Variants in MARK3 observed in about 807,000 individuals in gnomAD.
MARK3 encodes the protein MAP/microtubule affinity-regulating kinase 3.
In MARK3, 46 loss-of-function variants were observed where a neutral mutation model predicts 90.1. The observed-to-expected ratio is 0.51, with a 90% confidence interval of 0.40 to 0.65. The LOEUF is 0.65. MARK3 is among the 30% of genes least tolerant of loss of function. The pLI, the probability that MARK3 is intolerant of heterozygous loss-of-function variation, is 0.00. For synonymous variants in MARK3, 321 were observed against 332.6 expected (o/e 0.97, Z 0.38); for missense variants, 818 against 947.2 (o/e 0.86, Z 1.79).
intron 12 of MARK3, among the ~76,000 whole-genome samples, chr14:103,472,460 G>A (rs2141702104): frequency 6.6e-6 from 1 of 151,748 alleles, no homozygotes. Flanking sequence ...TGGCTAACAC[G>A]GTGAAACCCT....
At chr14:103,427,128 A>T (rs7140647) in intron 2 of MARK3, among the ~76,000 whole-genome samples, 3 of 150,424 alleles carry the variant, frequency 2.0e-5, no homozygotes, top group African/African-American at 7.3e-5. Context: ...ATAAAATGTT[A>T]TAACAATACG....
intron 14 of MARK3, chr14:103,490,912 A>G: frequency 8.1e-7 from 1 of 1,233,674 alleles, no homozygotes; most frequent in Non-Finnish European, 1.1e-6. Flanking sequence ...GCTCCTTCAT[A>G]CTGTGTTTCT....
At chr14:103,413,944 C>T (rs1394640946) in intron 2 of MARK3, among the ~76,000 whole-genome samples, 1 of 152,144 alleles carries the variant, frequency 6.6e-6, no homozygotes, top group African/African-American at 2.4e-5. Context: ...TTGGTATTAG[C>T]TCCCCCACTG....
intron 7 of MARK3, among the ~76,000 whole-genome samples, chr14:103,464,294 T>C (rs2093460965): frequency 8.8e-6 from 1 of 113,448 alleles, no homozygotes; most frequent in African/African-American, 3.0e-5. Flanking sequence ...TGTCTCTTTT[T>C]TTTTTTTTTT....
intron 1 of MARK3, among the ~76,000 whole-genome samples, chr14:103,395,695 C>T (rs972691165): frequency 6.6e-6 from 1 of 152,162 alleles, no homozygotes; most frequent in African/African-American, 2.4e-5. Context: ...CTGCAAACAT[C>T]TTTATTCTGT....
intron 3 of MARK3, among the ~76,000 whole-genome samples, chr14:103,445,065 T>C: frequency 6.6e-6 from 1 of 152,202 alleles, no homozygotes; most frequent in Non-Finnish European, 1.5e-5. Context: ...CAGCAGCTTA[T>C]AATTTGTTGA....
At chr14:103,403,686 G>A (rs994292940) in intron 1 of MARK3, among the ~76,000 whole-genome samples, 2 of 152,172 alleles carry the variant, frequency 1.3e-5, no homozygotes, top group Admixed American at 6.5e-5. Flanking sequence ...CATTACAACA[G>A]CATGCATCTT....
intron 3 of MARK3, among the ~76,000 whole-genome samples, chr14:103,443,182 A>G (rs551546407): frequency 1.2e-4 from 19 of 152,368 alleles, no homozygotes; most frequent in Non-Finnish European, 2.8e-4. Context: ...CTAGAAAAGA[A>G]TCGATACACA....
intron 1 of MARK3, among the ~76,000 whole-genome samples, chr14:103,389,086 C>T (rs1409782990): frequency 2.6e-5 from 4 of 151,922 alleles, no homozygotes; most frequent in African/African-American, 7.3e-5. Flanking sequence ...AAAGGCAGGC[C>T]GGGTGTGGTG....
At chr14:103,462,495 G>C (rs1454239296) in intron 7 of MARK3, 34 bp downstream of exon 7, 3 of 1,514,232 alleles carry the variant, frequency 2.0e-6, no homozygotes, top group Admixed American at 1.7e-5. Context: ...TGTATGCTCT[G>C]TCTGTTTGTG....
chr14:103,410,759 T>A (rs917169776), intron 2 of MARK3, among the ~76,000 whole-genome samples: 1 of 152,158 alleles, frequency 6.6e-6, no homozygotes, highest in African/African-American at 2.4e-5. Context: ...TCTTTTTTTT[T>A]AATCTTAGTG....
intron 3 of MARK3, 30 bp downstream of exon 3, chr14:103,428,470 T>A: frequency 3.0e-6 from 4 of 1,338,578 alleles, no homozygotes; most frequent in Non-Finnish European, 4.1e-6. Flanking sequence ...TAGTACTTTT[T>A]AAAAAATTAT....
At chr14:103,465,292 A>G (rs1424442489) in intron 7 of MARK3, among the ~76,000 whole-genome samples, 1 of 152,148 alleles carries the variant, frequency 6.6e-6, no homozygotes, top group African/African-American at 2.4e-5. Context: ...ATCAATTGAA[A>G]AACTCAAGGC....
chr14:103,415,215 G>T (rs2091894017), intron 2 of MARK3, among the ~76,000 whole-genome samples: 1 of 126,696 alleles, frequency 7.9e-6, no homozygotes. Context: ...GAAGAAAGTT[G>T]TTTTAATTTA....
chr14:103,430,510 GCT>G (rs968408517), intron 3 of MARK3, among the ~76,000 whole-genome samples: 1 of 151,986 alleles, frequency 6.6e-6, no homozygotes, highest in Non-Finnish European at 1.5e-5. Flanking sequence ...TTCAGGAACA[GCT>G]CTCTTAGATA....
At chr14:103,397,376 G>A (rs1326818590) in intron 1 of MARK3, among the ~76,000 whole-genome samples, 4 of 150,414 alleles carry the variant, frequency 2.7e-5, no homozygotes, top group Non-Finnish European at 2.9e-5. Flanking sequence ...ACCCAGACTG[G>A]AGTGCAGTGG....
chr14:103,412,891 TG>T, intron 2 of MARK3: 1 of 329,164 alleles, frequency 3.0e-6, no homozygotes, highest in Non-Finnish European at 5.8e-6. Flanking sequence ...TTTTTTTTTT[TG>T]AGACGGAATT....
At chr14:103,432,451 G>A (rs774417980) in intron 3 of MARK3, among the ~76,000 whole-genome samples, 3 of 152,006 alleles carry the variant, frequency 2.0e-5, no homozygotes, top group Admixed American at 6.6e-5. Context: ...CCTTCCACTG[G>A]CCTTATCGTG....
chr14:103,425,039 C>G (rs1566818990), intron 2 of MARK3, among the ~76,000 whole-genome samples: 1 of 151,990 alleles, frequency 6.6e-6, no homozygotes, highest in Non-Finnish European at 1.5e-5. Flanking sequence ...CTCCCAAATT[C>G]AAGCAATTCT....
Sources: allele counts gnomAD v4.1 joint callset (sites outside exome capture counted in the v4.1 genomes callset), GRCh38; gene constraint gnomAD v4.1.1; transcripts MANE v1.5; gene names NCBI Gene and HGNC (gene_info 2026-07-23, HGNC 2026-07-21).